Variants in VRK2 observed in about 807,000 individuals in gnomAD.
VRK2 encodes VRK serine/threonine kinase 2, also known as serine/threonine-protein kinase VRK2.
In VRK2, 60 loss-of-function variants were observed where a neutral mutation model predicts 57.6. The ratio of observed to expected loss-of-function variants is 1.04; its 90% confidence interval spans 0.85 to 1.29. The LOEUF is 1.29. Ranked by LOEUF, VRK2 falls within the 50% of genes most tolerant of loss-of-function variation. The pLI, the probability that VRK2 is intolerant of heterozygous loss-of-function variation, is 0.00. For missense variants in VRK2, 705 were observed against 588.1 expected (o/e 1.20, Z -2.06); for synonymous variants, 231 against 199.2 (o/e 1.16, Z -1.35).
upstream of VRK2, among the ~76,000 whole-genome samples, chr2:58,041,746 A>G (rs1353955407): frequency 6.6e-6 from 1 of 152,152 alleles, no homozygotes; most frequent in African/African-American, 2.4e-5. Context: ...AGAAACATTT[A>G]AAGTCTATTC....
chr2:58,006,080 G>A (rs1432685460), intron 1 of VRK2, among the ~76,000 whole-genome samples: 1 of 152,132 alleles, frequency 6.6e-6, no homozygotes, highest in Non-Finnish European at 1.5e-5. Flanking sequence ...AAGGTAAAAA[G>A]TATAACCCCT....
At chr2:57,910,652 G>A (rs1383161954) in intron 1 of VRK2, among the ~76,000 whole-genome samples, 2 of 152,112 alleles carry the variant, frequency 1.3e-5, no homozygotes, top group Admixed American at 6.6e-5. Flanking sequence ...AAAGATTAAA[G>A]GAGATAAAGT....
chr2:58,031,968 CT>C (rs1397408287), intron 2 of VRK2, among the ~76,000 whole-genome samples: 9 of 152,118 alleles, frequency 5.9e-5, no homozygotes, highest in Non-Finnish European at 1.3e-4. Flanking sequence ...TTACAATGAC[CT>C]TTCACCCTAC....
chr2:58,126,991 CT>C (rs1032442968), intron 8 of VRK2, among the ~76,000 whole-genome samples: 3 of 151,966 alleles, frequency 2.0e-5, no homozygotes, highest in Non-Finnish European at 4.4e-5. Context: ...ACATATTGAG[CT>C]TTTTTAAATA....
At chr2:58,159,290 A>G in intron 12 of VRK2, 59 bp from the exon 13 acceptor site, 1 of 1,352,320 alleles carries the variant, frequency 7.4e-7, no homozygotes, top group Non-Finnish European at 1.0e-6. Flanking sequence ...ACTACACAAA[A>G]TAAATACTTG....
chr2:58,108,408 C>G (rs935498608), intron 7 of VRK2, among the ~76,000 whole-genome samples: 1 of 152,166 alleles, frequency 6.6e-6, no homozygotes, highest in African/African-American at 2.4e-5. Context: ...TATTCTTTGC[C>G]AGAAAAATCC....
intron 3 of VRK2, among the ~76,000 whole-genome samples, chr2:58,036,283 C>A (rs1164463609): frequency 6.6e-6 from 1 of 151,544 alleles, no homozygotes; most frequent in Non-Finnish European, 1.5e-5. Flanking sequence ...TTTGGGCTTT[C>A]TATATTGCAA....
chr2:57,908,493 A>T (rs1242721536), intron 1 of VRK2, among the ~76,000 whole-genome samples: 1 of 152,124 alleles, frequency 6.6e-6, no homozygotes, highest in Non-Finnish European at 1.5e-5. Context: ...GAGTGTATGC[A>T]TGCATATATA....
intron 2 of VRK2, among the ~76,000 whole-genome samples, chr2:58,075,871 G>T (rs1403814058): frequency 7.7e-6 from 1 of 129,446 alleles, no homozygotes; most frequent in East Asian, 2.2e-4. Context: ...GTAAAACTCT[G>T]CCCCAATAAG....
rs542794279 is a variant in VRK2, at chr2:57,982,195, G to A, written c.-438-43470G>A. 1.5e-3 allele frequency among the ~76,000 whole-genome samples: 236 copies of A among 152,278 alleles called. 3 individuals are homozygous for A. The highest frequency in any genetic ancestry group is 5.1e-3 in the African/African-American group (210 of 41,546). On this transcript the variant is annotated intron_variant, in intron 1 of 15. Transcript: ENST00000417641. ...CCTGGGCTATGTGCTGTAAGCCTGG[G>A]GAGCTGGAACCAGGCCTGCAGCTTT...
chr2:58,076,657 G>A (rs1265372479), intron 2 of VRK2, among the ~76,000 whole-genome samples: 1 of 151,032 alleles, frequency 6.6e-6, no homozygotes, highest in Admixed American at 6.6e-5. Flanking sequence ...CTAGGAAATT[G>A]TCATTTTTTC....
At chr2:58,129,199 T>G (rs1435547892) in intron 8 of VRK2, among the ~76,000 whole-genome samples, 1 of 152,176 alleles carries the variant, frequency 6.6e-6, no homozygotes, top group African/African-American at 2.4e-5. Flanking sequence ...TTAGGACATC[T>G]GCATGAAAAT....
intron 1 of VRK2, among the ~76,000 whole-genome samples, chr2:57,960,987 A>T (rs1460544279): frequency 6.6e-6 from 1 of 152,220 alleles, no homozygotes; most frequent in African/African-American, 2.4e-5. Context: ...CTGAACAGTT[A>T]CTGTGTGCCA....
chr2:58,131,069 G>C (rs368325980), intron 8 of VRK2, among the ~76,000 whole-genome samples: 19 of 151,794 alleles, frequency 1.3e-4, no homozygotes, highest in Middle Eastern at 6.8e-3. Context: ...TTAGGAAAAG[G>C]CATCTTATTC....
At chr2:58,133,098 C>G (rs1002411437) in intron 9 of VRK2, among the ~76,000 whole-genome samples, 1 of 152,004 alleles carries the variant, frequency 6.6e-6, no homozygotes, top group Non-Finnish European at 1.5e-5. Context: ...AAAAAACTAA[C>G]ATTTTAATTC....
Position 58,086,420 on chromosome 2 carries a change from G to A in VRK2, c.338G>A (p.Gly113Glu), listed in dbSNP as rs147530902. The A allele has an allele frequency of 2.6e-3, 4,077 of 1,587,176 alleles. 14 individuals are homozygous for A. Among genetic ancestry groups the A allele is most frequent in the Non-Finnish European group, 3.0e-3 (3,520 of 1,170,950 alleles). Residue 113 changes from glycine to glutamate, a missense_variant, in exon 5 of 13, where the codon GGA becomes GAA. Coordinates refer to ENST00000340157, the MANE Select transcript of VRK2 (RefSeq NM_006296.7). ...FYGSGLTEFK[G>E]RSYRFMVMER... ...GGATCTGGTCTGACTGAATTCAAGG[G>A]AAGAAGGTAAAATGGAATTATTATA...
In VRK2 at chr2:58,121,167, C is replaced by G. The variant is rs796892940; in HGVS notation, c.544-1934C>G. ...AATAAAATGGAGATAAGGGGACTTA[C>G]AGCATCAGCGGATGTAAGGCACTTA... On this transcript the variant is annotated intron_variant, in intron 7 of 12. Transcript: ENST00000340157. Among the ~76,000 whole-genome samples, 9 of 152,306 alleles carry G rather than the reference C, an allele frequency of 5.9e-5. 1 individual carries two copies. The highest frequency in any genetic ancestry group is 2.2e-4 in the African/African-American group (9 of 41,568).
chr2:58,089,273 G>A (rs1328052921), intron 6 of VRK2, among the ~76,000 whole-genome samples: 1 of 152,136 alleles, frequency 6.6e-6, no homozygotes, highest in Non-Finnish European at 1.5e-5. Flanking sequence ...AGGAATTGCT[G>A]AGTGGGCTTC....
chr2:58,098,478 ATACCATTTTCAAATCT>A (rs1334843332), intron 7 of VRK2, among the ~76,000 whole-genome samples: 5 of 152,074 alleles, frequency 3.3e-5, no homozygotes, highest in African/African-American at 1.2e-4. Context: ...CTATACAGCT[ATACCATTTTCAAATCT>A]TTTATATGGT....
Sources: allele counts gnomAD v4.1 joint callset (sites outside exome capture counted in the v4.1 genomes callset), GRCh38; gene constraint gnomAD v4.1.1; transcripts MANE v1.5; gene names NCBI Gene and HGNC (gene_info 2026-07-23, HGNC 2026-07-21).